Variants in CAMK2D observed in about 807,000 individuals in gnomAD.
CAMK2D encodes the protein calcium/calmodulin-dependent protein kinase type II subunit delta.
In CAMK2D, 37 loss-of-function variants were observed where a neutral mutation model predicts 84.0. That is an observed-to-expected ratio of 0.44 (90% confidence interval 0.34 to 0.58). The LOEUF is 0.58. CAMK2D is among the 20% of genes least tolerant of loss of function. The probability of loss-of-function intolerance (pLI) is 0.02; values close to 1 mark genes in which losing one functional copy is unlikely to be tolerated. For missense variants in CAMK2D, 448 were observed against 652.5 expected, an observed-to-expected ratio of 0.69 and a Z score of 3.41; for synonymous variants, 202 against 212.5, an observed-to-expected ratio of 0.95 and a Z score of 0.43.
At chr4:113,578,457 G>GT (rs556812116) in intron 4 of CAMK2D, among the ~76,000 whole-genome samples, 1 of 152,154 alleles carries the variant, frequency 6.6e-6, no homozygotes, top group African/African-American at 2.4e-5. Flanking sequence ...GGAATTGTTT[G>GT]TTTTTTATAC....
intron 4 of CAMK2D, among the ~76,000 whole-genome samples, chr4:113,599,279 G>A (rs946690958): frequency 7.9e-5 from 12 of 152,154 alleles, no homozygotes; most frequent in Non-Finnish European, 1.5e-4. Context: ...TACTGGCAGT[G>A]TTTTAGAAAA....
intron 3 of CAMK2D, among the ~76,000 whole-genome samples, chr4:113,655,402 T>C (rs1246907510): frequency 1.3e-5 from 2 of 151,968 alleles, no homozygotes; most frequent in Admixed American, 6.6e-5. Context: ...TCTAGAAAGG[T>C]TAATTCATTC....
intron 4 of CAMK2D, among the ~76,000 whole-genome samples, chr4:113,594,998 T>C (rs1483958721): frequency 6.6e-6 from 1 of 151,680 alleles, no homozygotes; most frequent in Non-Finnish European, 1.5e-5. Context: ...TGATAAATAC[T>C]AAAAAACAAT....
rs1037617195 is a variant in CAMK2D, at chr4:113,453,614, A to T, written c.*931T>A. Reference sequence around the variant, plus strand: ...AAGTGCTAGTATAGCTACCTTCAAAAGACTTTTATTTCCCTTTTACATTCA... The same window carrying T: ...AAGTGCTAGTATAGCTACCTTCAAATGACTTTTATTTCCCTTTTACATTCA... On this transcript the variant is annotated 3_prime_UTR_variant, in exon 21 of 21. Transcript: ENST00000511664. 1 of 152,180 alleles carries T rather than the reference A, an allele frequency of 6.6e-6. No individual in the cohort carries two copies. The highest frequency in any genetic ancestry group is 2.4e-5 in the African/African-American group (1 of 41,444). The allele number at this position is 152,180 out of a possible 1,614,324, so 9.4% of individuals were successfully genotyped here. A position where few individuals can be genotyped will look rare whatever the true frequency, so the allele number is the denominator to read the frequency against.
intron 9 of CAMK2D, 112 bp from the exon 10 acceptor site, chr4:113,515,303 A>G (rs1459523168): frequency 1.5e-6 from 1 of 670,940 alleles, no homozygotes; most frequent in Admixed American, 3.2e-5. Context: ...TCATAAATTT[A>G]CTTTTTATAT....
intron 2 of CAMK2D, among the ~76,000 whole-genome samples, chr4:113,735,272 C>T (rs982542282): frequency 1.9e-5 from 2 of 107,634 alleles, no homozygotes; most frequent in Non-Finnish European, 3.5e-5. Context: ...GCCAACATGG[C>T]AAAACCATCT....
chr4:113,585,263 T>A (rs1277167310), intron 4 of CAMK2D, among the ~76,000 whole-genome samples: 2 of 152,082 alleles, frequency 1.3e-5, no homozygotes, highest in Non-Finnish European at 2.9e-5. Context: ...ATTAATTAAT[T>A]AACAAAAAAG....
At chr4:113,678,236 G>GCAGAGAAAGGTGGAT (rs2099326936) in intron 2 of CAMK2D, among the ~76,000 whole-genome samples, 1 of 152,138 alleles carries the variant, frequency 6.6e-6, no homozygotes, top group African/African-American at 2.4e-5. Context: ...AAGCTGAACA[G>GCAGAGAAAGGTGGAT]CAGAGAAAGG....
At chr4:113,585,617 T>C (rs1403146528) in intron 4 of CAMK2D, among the ~76,000 whole-genome samples, 1 of 151,976 alleles carries the variant, frequency 6.6e-6, no homozygotes, top group Non-Finnish European at 1.5e-5. Context: ...AAATATGCAA[T>C]CTTACAGTGT....
At chr4:113,548,321 A>G (rs2098598923) in intron 5 of CAMK2D, among the ~76,000 whole-genome samples, 1 of 152,334 alleles carries the variant, frequency 6.6e-6, no homozygotes, top group Non-Finnish European at 1.5e-5. Flanking sequence ...TTTAAAATCT[A>G]CAGGCGGACA....
At chr4:113,515,598 G>A (rs1227886115) in intron 9 of CAMK2D, among the ~76,000 whole-genome samples, 2 of 152,242 alleles carry the variant, frequency 1.3e-5, no homozygotes, top group South Asian at 2.1e-4. Flanking sequence ...ATGTACCAAT[G>A]TCATCATGAT....
chr4:113,462,016 T>C (rs1164660267), intron 17 of CAMK2D, among the ~76,000 whole-genome samples: 1 of 152,194 alleles, frequency 6.6e-6, no homozygotes, highest in Non-Finnish European at 1.5e-5. Flanking sequence ...TGGGCAGGCA[T>C]TTTTAAGCTT....
intron 16 of CAMK2D, among the ~76,000 whole-genome samples, chr4:113,474,301 C>T (rs1484709511): frequency 1.3e-5 from 2 of 152,166 alleles, no homozygotes; most frequent in African/African-American, 2.4e-5. Flanking sequence ...ATTATAAAGT[C>T]TCTTGGCATT....
At chr4:113,599,306 A>G (rs1313875839) in intron 4 of CAMK2D, among the ~76,000 whole-genome samples, 1 of 152,210 alleles carries the variant, frequency 6.6e-6, no homozygotes, top group Admixed American at 6.5e-5. Flanking sequence ...ATACACTTAC[A>G]ACATGATTCA....
chr4:113,513,765 T>C, intron 11 of CAMK2D, 65 bp downstream of exon 11: 1 of 735,566 alleles, frequency 1.4e-6, no homozygotes, highest in Non-Finnish European at 2.4e-6. Context: ...GTTATTTTCC[T>C]CACACAGTAT....
At chr4:113,526,783 T>C (rs1446062005) in intron 8 of CAMK2D, among the ~76,000 whole-genome samples, 1 of 152,100 alleles carries the variant, frequency 6.6e-6, no homozygotes, top group African/African-American at 2.4e-5. Flanking sequence ...GAATCCAAAC[T>C]CTGATAATAC....
chr4:113,676,413 CT>C (rs759514004), intron 2 of CAMK2D, among the ~76,000 whole-genome samples: 1 of 152,030 alleles, frequency 6.6e-6, no homozygotes, highest in African/African-American at 2.4e-5. Flanking sequence ...CCTAGAGTGG[CT>C]TTTTTTTCAA....
intron 2 of CAMK2D, among the ~76,000 whole-genome samples, chr4:113,700,415 C>T (rs1024867536): frequency 5.9e-5 from 9 of 152,120 alleles, no homozygotes; most frequent in African/African-American, 2.2e-4. Context: ...AGAAAGTAGG[C>T]TATTTCAACT....
intron 6 of CAMK2D, among the ~76,000 whole-genome samples, chr4:113,542,283 A>G (rs1490596667): frequency 6.6e-6 from 1 of 152,252 alleles, no homozygotes; most frequent in Non-Finnish European, 1.5e-5. Flanking sequence ...TTTCAAAAAT[A>G]TCTAAATATA....
Sources: gnomAD v4.1 joint callset for allele counts (sites outside exome capture counted in the v4.1 genomes callset) on GRCh38, gnomAD v4.1.1 for gene constraint, MANE v1.5 for transcripts, NCBI Gene and HGNC (gene_info 2026-07-23, HGNC 2026-07-21) for gene names.